Variants in UBAP2 observed in about 807,000 individuals in gnomAD.
The protein encoded by UBAP2 is ubiquitin-associated protein 2.
In UBAP2, 75 loss-of-function variants were observed where a neutral mutation model predicts 139.6. The observed-to-expected ratio is 0.54, with a 90% CI of 0.45 to 0.65. The LOEUF is 0.65. Among genes scored for constraint, UBAP2 ranks in the 30% least tolerant of loss-of-function variants. UBAP2 has a pLI of 0.00. For missense variants in UBAP2, 1,368 were observed against 1,369.6 expected (o/e 1.00, Z 0.02); for synonymous variants, 526 against 526.2 (o/e 1.00, Z 0.01).
intron 1 of UBAP2, among the ~76,000 whole-genome samples, chr9:34,043,932 A>G (rs917054850): frequency 6.6e-6 from 1 of 150,764 alleles, no homozygotes; most frequent in Non-Finnish European, 1.5e-5. Flanking sequence ...GTTCAAAACC[A>G]GCATGGCCAA....
Position 33,986,774 on chromosome 9 carries a change from C to T in UBAP2, c.506G>A (p.Arg169Gln), listed in dbSNP as rs540267199. ...QVDKPSDRGK[R>Q]ARGRGFGRGR... is the part of the protein sequence containing the mutation. The stretch of plus-strand genomic sequence containing the variant: ...CTCTAGCTTACCTCTACCCCGGGCT[C>T]GCTTGCCACGATCTGAAGGTTTGTC... Residue 169 changes from arginine (R) to glutamine (Q), a missense_variant, in exon 6 of 29, where the codon CGA becomes CAA. By Grantham distance (43) the Arg-to-Gln change is conservative. Coordinates refer to ENST00000379238, the MANE Select transcript of UBAP2 (RefSeq NM_001370062.2). The T allele has an allele frequency of 2.7e-5, 43 of 1,614,050 alleles. No homozygotes were observed. The highest frequency in any genetic ancestry group is 3.5e-5 in the Non-Finnish European group (41 of 1,179,976).
Position 33,984,910 on chromosome 9 carries a change from G to C in UBAP2, c.520+1850C>G, listed in dbSNP as rs536446067. 3.9e-5 allele frequency among the ~76,000 whole-genome samples: 6 copies of C among 152,284 alleles called. No homozygotes were observed. In the South Asian group the frequency reaches 1.2e-3, roughly 32 times the overall value. On this transcript the variant is annotated intron_variant, in intron 6 of 28. Coordinates refer to ENST00000379238, the MANE Select transcript of UBAP2 (RefSeq NM_001370062.2). The stretch of plus-strand genomic sequence containing the variant: ...AGATTGCCTGAACCCAGGAGTTCAA[G>C]ACTGCAATGAGTTATGATCATGACA...
chr9:34,024,298 C>A (rs1028506456), intron 1 of UBAP2, among the ~76,000 whole-genome samples: 1 of 151,054 alleles, frequency 6.6e-6, no homozygotes, highest in Non-Finnish European at 1.5e-5. Context: ...GCCAAAATTG[C>A]GCCATTGCAC....
At chr9:33,927,670 C>T in intron 20 of UBAP2, 127 bp downstream of exon 20, 1 of 958,254 alleles carries the variant, frequency 1.0e-6, no homozygotes, top group South Asian at 1.7e-5. Context: ...GCCTCAAGGT[C>T]AGTGGAACAC....
intron 17 of UBAP2, among the ~76,000 whole-genome samples, chr9:33,935,169 G>A (rs926396937): frequency 6.9e-6 from 1 of 144,866 alleles, no homozygotes; most frequent in African/African-American, 2.5e-5. Context: ...GTGGCGGGGG[G>A]GGGGGGTCTC....
chr9:33,959,343 A>T (rs78644729), intron 10 of UBAP2, among the ~76,000 whole-genome samples: 2 of 152,188 alleles, frequency 1.3e-5, no homozygotes, highest in Non-Finnish European at 2.9e-5. Flanking sequence ...TTTCTCATTC[A>T]AAGCAGGTCC....
intron 22 of UBAP2, 30 bp from the exon 23 acceptor site, chr9:33,924,314 G>T (rs10971794): frequency 7.5e-6 from 12 of 1,600,500 alleles, no homozygotes; most frequent in South Asian, 2.2e-5. Context: ...CTTGATCAGC[G>T]ACTGGCCCTG....
chr9:33,970,269 T>C (rs1827818106), intron 8 of UBAP2, among the ~76,000 whole-genome samples: 1 of 151,960 alleles, frequency 6.6e-6, no homozygotes, highest in Non-Finnish European at 1.5e-5. Context: ...CTTCCCTTGA[T>C]GATCTCATAA....
At chr9:33,963,308 AG>A (rs529380567) in intron 9 of UBAP2, among the ~76,000 whole-genome samples, 2 of 152,218 alleles carry the variant, frequency 1.3e-5, no homozygotes, top group Non-Finnish European at 2.9e-5. Context: ...TAAATACAGA[AG>A]GCAAAGGCTC....
At chr9:34,041,507 GCCAACA>G (rs1827089425) in intron 1 of UBAP2, among the ~76,000 whole-genome samples, 1 of 150,890 alleles carries the variant, frequency 6.6e-6, no homozygotes, top group Non-Finnish European at 1.5e-5. Context: ...GACCAGCCTG[GCCAACA>G]TGGTGAAACC....
At chr9:33,942,721 C>G (rs1825338107) in intron 15 of UBAP2, among the ~76,000 whole-genome samples, 1 of 130,932 alleles carries the variant, frequency 7.6e-6, no homozygotes, top group South Asian at 2.7e-4. Flanking sequence ...GAGCAAGACC[C>G]TATCTCAAAA....
At chr9:33,987,922 GTCT>G (rs1455915073) in intron 5 of UBAP2, among the ~76,000 whole-genome samples, 1 of 152,082 alleles carries the variant, frequency 6.6e-6, no homozygotes, top group Non-Finnish European at 1.5e-5. Context: ...CCAACACGCA[GTCT>G]TTTCTTTTTC....
intron 8 of UBAP2, among the ~76,000 whole-genome samples, chr9:33,969,127 A>G (rs1473751380): frequency 6.6e-6 from 1 of 152,216 alleles, no homozygotes; most frequent in Non-Finnish European, 1.5e-5. Flanking sequence ...AACAGGAAGT[A>G]TGGGTTGTTT....
At chr9:33,935,534 T>C in intron 17 of UBAP2, 2 of 366,924 alleles carry the variant, frequency 5.5e-6, no homozygotes, top group South Asian at 6.5e-5. Flanking sequence ...CCCAAAGCAC[T>C]GGGATTATGG....
At chr9:33,995,041 A>C (rs1362732975) in intron 4 of UBAP2, 1 of 152,116 alleles carries the variant, frequency 6.6e-6, no homozygotes, top group African/African-American at 2.4e-5. Flanking sequence ...ATCTACTCTA[A>C]AATAGTTTCC....
chr9:34,035,708 A>C (rs1189435002), intron 1 of UBAP2, among the ~76,000 whole-genome samples: 4 of 151,130 alleles, frequency 2.6e-5, no homozygotes, highest in African/African-American at 9.7e-5. Context: ...GAAACAAACA[A>C]ACACTATCAA....
chr9:34,039,847 TA>T (rs74180526), intron 1 of UBAP2, among the ~76,000 whole-genome samples: 1,838 of 84,304 alleles, frequency 0.022, 38 homozygotes, highest in East Asian at 0.1. Context: ...CAATAAATAC[TA>T]AAAAAAAAAA....
At chr9:33,929,983 C>T (rs1265009443) in intron 19 of UBAP2, among the ~76,000 whole-genome samples, 1 of 151,594 alleles carries the variant, frequency 6.6e-6, no homozygotes, top group African/African-American at 2.4e-5. Context: ...CAGCCTAGGC[C>T]ACAAGAGTAA....
At chr9:33,944,295 G>A (rs1564024139) in intron 14 of UBAP2, 70 bp downstream of exon 14, 1 of 1,568,444 alleles carries the variant, frequency 6.4e-7, no homozygotes, top group East Asian at 2.3e-5. Flanking sequence ...CCAAAACTTA[G>A]TATCCCACTA....
Sources: gnomAD v4.1 joint callset for allele counts (sites outside exome capture counted in the v4.1 genomes callset) on GRCh38, gnomAD v4.1.1 for gene constraint, MANE v1.5 for transcripts, NCBI Gene and HGNC (gene_info 2026-07-23, HGNC 2026-07-21) for gene names.